EYA4: variants seen among roughly 807,000 people sequenced by gnomAD.
The protein encoded by EYA4 is protein phosphatase EYA4.
EYA4 carries 31 observed loss-of-function variants against 87.9 expected under a neutral mutation model. The ratio of observed to expected loss-of-function variants is 0.35; its 90% CI spans 0.27 to 0.48. EYA4 has a LOEUF of 0.48. Ranked by LOEUF, EYA4 falls within the 20% of genes least tolerant of loss-of-function variation. The probability of loss-of-function intolerance (pLI) is 0.99; values close to 1 mark genes in which losing one functional copy is unlikely to be tolerated. For missense variants in EYA4, 678 were observed against 761.4 expected (o/e 0.89, Z 1.29); for synonymous variants, 263 against 270.6 (o/e 0.97, Z 0.28).
chr6:133,299,060 C>T (rs1224549616), intron 2 of EYA4, among the ~76,000 whole-genome samples: 1 of 152,122 alleles, frequency 6.6e-6, no homozygotes, highest in African/African-American at 2.4e-5. Context: ...AAGCAGGACT[C>T]TTCTTAGGTT....
At chr6:133,440,062 C>T (rs1026559142) in intron 3 of EYA4, among the ~76,000 whole-genome samples, 5 of 152,178 alleles carry the variant, frequency 3.3e-5, no homozygotes, top group African/African-American at 1.2e-4. Flanking sequence ...TTGTTTCCAA[C>T]GTTGTTTCCT....
intron 11 of EYA4, 69 bp downstream of exon 11, chr6:133,468,800 A>C: frequency 1.3e-6 from 2 of 1,505,054 alleles, no homozygotes; most frequent in Non-Finnish European, 1.8e-6. Flanking sequence ...GAGAAAGTGG[A>C]CATTCCAAAA....
chr6:133,256,756 G>T (rs765337893), intron 1 of EYA4, among the ~76,000 whole-genome samples: 3 of 152,066 alleles, frequency 2.0e-5, no homozygotes, highest in Non-Finnish European at 2.9e-5. Context: ...TTAAAATGAA[G>T]TATATTAATC....
intron 2 of EYA4, among the ~76,000 whole-genome samples, chr6:133,365,104 G>A (rs1385515101): frequency 6.6e-6 from 1 of 152,140 alleles, no homozygotes; most frequent in African/African-American, 2.4e-5. Context: ...TCAAAAGATG[G>A]AACAGGAATT....
intron 2 of EYA4, among the ~76,000 whole-genome samples, chr6:133,304,085 G>T (rs1779622174): frequency 2.6e-5 from 4 of 152,142 alleles, no homozygotes; most frequent in Non-Finnish European, 5.9e-5. Context: ...AGGAACAAGG[G>T]TGATGAGTAT....
At chr6:133,458,034 C>G (rs895474029) in intron 6 of EYA4, among the ~76,000 whole-genome samples, 2 of 152,088 alleles carry the variant, frequency 1.3e-5, no homozygotes, top group Admixed American at 1.3e-4. Context: ...AATCTAAAAC[C>G]ATGTCCTTAT....
intron 11 of EYA4, 49 bp downstream of exon 11, chr6:133,468,780 T>C: frequency 6.3e-7 from 1 of 1,586,484 alleles, no homozygotes; most frequent in Non-Finnish European, 8.7e-7. Flanking sequence ...TTGCAATATC[T>C]AATAAAACGG....
At chr6:133,475,947 T>G (rs546630101) in intron 11 of EYA4, among the ~76,000 whole-genome samples, 3 of 152,286 alleles carry the variant, frequency 2.0e-5, no homozygotes, top group East Asian at 3.9e-4. Flanking sequence ...TGTGAAGTTC[T>G]TTCAGTGAAT....
intron 1 of EYA4, chr6:133,248,029 G>T (rs1041918635): frequency 2.0e-5 from 3 of 152,072 alleles, no homozygotes; most frequent in African/African-American, 7.2e-5. Context: ...TTGAGTATCC[G>T]TATTAACCAG....
intron 2 of EYA4, among the ~76,000 whole-genome samples, chr6:133,292,415 T>C (rs1365749193): frequency 6.6e-6 from 1 of 152,228 alleles, no homozygotes; most frequent in African/African-American, 2.4e-5. Flanking sequence ...GAATTATATG[T>C]ACATTGTTTT....
intron 2 of EYA4, among the ~76,000 whole-genome samples, chr6:133,342,605 A>C (rs9483576): frequency 0.12 from 15,984 of 130,156 alleles, 1,446 homozygotes; most frequent in African/African-American, 0.17. Context: ...ATATATATAT[A>C]ATTCTTTATA....
rs369172025 is a variant in EYA4, at chr6:133,523,224, G to A, written c.1738+47G>A. The A allele has an allele frequency of 6.2e-5, 99 of 1,594,812 alleles. No homozygotes were observed. In the African/African-American group the frequency reaches 1.1e-3, roughly 18 times the overall value. ...CTGTATGGAATGTGTCCACATCTGT[G>A]TGTCTCTGCCTAGTTCCCTTTTTCA... On this transcript the variant is annotated intron_variant, in intron 18 of 19. Coordinates refer to ENST00000355286, the MANE Select transcript of EYA4 (RefSeq NM_004100.5).
chr6:133,388,491 C>G (rs894161360), intron 3 of EYA4, among the ~76,000 whole-genome samples: 1 of 151,508 alleles, frequency 6.6e-6, no homozygotes, highest in African/African-American at 2.4e-5. Context: ...CTTCCAGTAG[C>G]TCATTGGGAA....
intron 13 of EYA4, among the ~76,000 whole-genome samples, chr6:133,496,873 C>T (rs1164250109): frequency 1.3e-5 from 2 of 152,166 alleles, no homozygotes; most frequent in Non-Finnish European, 2.9e-5. Flanking sequence ...AATGTTTACT[C>T]CTGCACCATG....
At chr6:133,431,166 A>G (rs915829854) in intron 3 of EYA4, among the ~76,000 whole-genome samples, 1 of 152,062 alleles carries the variant, frequency 6.6e-6, no homozygotes, top group Non-Finnish European at 1.5e-5. Flanking sequence ...CACCTAGGAG[A>G]TGAGGTCAAG....
At chr6:133,280,362 G>C (rs1469754142) in intron 2 of EYA4, among the ~76,000 whole-genome samples, 1 of 152,088 alleles carries the variant, frequency 6.6e-6, no homozygotes, top group Admixed American at 6.6e-5. Flanking sequence ...AATCATTAAG[G>C]CTTACTCTTC....
chr6:133,502,147 A>C (rs1798182418), intron 13 of EYA4: 2 of 151,776 alleles, frequency 1.3e-5, no homozygotes, highest in African/African-American at 4.8e-5. Context: ...ACACAGAATA[A>C]ATTGGCAGTA....
At chr6:133,382,021 A>G (rs1322225852) in intron 2 of EYA4, among the ~76,000 whole-genome samples, 1 of 152,172 alleles carries the variant, frequency 6.6e-6, no homozygotes, top group Non-Finnish European at 1.5e-5. Context: ...GTTTATTATT[A>G]TGTGCTTTTA....
intron 1 of EYA4, among the ~76,000 whole-genome samples, chr6:133,257,593 A>C (rs747385358): frequency 6.6e-5 from 10 of 152,188 alleles, no homozygotes; most frequent in Non-Finnish European, 1.3e-4. Flanking sequence ...AAGCTAAAAA[A>C]CGTTTTATAA....
Sources: allele counts gnomAD v4.1 joint callset (sites outside exome capture counted in the v4.1 genomes callset), GRCh38; gene constraint gnomAD v4.1.1; transcripts MANE v1.5; gene names NCBI Gene and HGNC (gene_info 2026-07-23, HGNC 2026-07-21).